The following CALN1 variants were observed in gnomAD, a reference collection of about 807,000 sequenced individuals.
CALN1 encodes the protein calneuron 1.
A neutral mutation model predicts 30.6 loss-of-function variants in CALN1; 17 were observed. The observed-to-expected ratio is 0.56, with a 90% CI of 0.38 to 0.83. CALN1 has a LOEUF of 0.83. Among genes scored for constraint, CALN1 ranks in the 40% least tolerant of loss-of-function variants. The pLI is 0.00. For synonymous variants in CALN1, 156 were observed against 131.4 expected, an observed-to-expected ratio of 1.19 and a Z score of -1.28; for missense variants, 291 against 354.9, an observed-to-expected ratio of 0.82 and a Z score of 1.45.
intron 2 of CALN1, among the ~76,000 whole-genome samples, chr7:72,321,472 T>C (rs1364930853): frequency 1.3e-5 from 2 of 152,172 alleles, no homozygotes; most frequent in Admixed American, 6.6e-5. Context: ...GTGTTCTCTA[T>C]GGGTTTCAAC....
chr7:72,161,638 G>A (rs970712832), intron 3 of CALN1, among the ~76,000 whole-genome samples: 4 of 152,126 alleles, frequency 2.6e-5, no homozygotes, highest in Admixed American at 6.5e-5. Context: ...GCTGGGCAAA[G>A]AAGACTCAAC....
At chr7:71,943,738 G>A (rs1420883205) in intron 5 of CALN1, among the ~76,000 whole-genome samples, 1 of 152,118 alleles carries the variant, frequency 6.6e-6, no homozygotes, top group Non-Finnish European at 1.5e-5. Context: ...CACCAGGCCA[G>A]GCCAAAACAA....
intron 2 of CALN1, among the ~76,000 whole-genome samples, chr7:72,345,832 C>T (rs1025430332): frequency 6.6e-6 from 1 of 152,022 alleles, no homozygotes; most frequent in Non-Finnish European, 1.5e-5. Context: ...AAACGCCTGC[C>T]GCATGAAAAG....
chr7:72,169,200 T>C (rs927786595), intron 3 of CALN1, among the ~76,000 whole-genome samples: 1 of 152,068 alleles, frequency 6.6e-6, no homozygotes, highest in Non-Finnish European at 1.5e-5. Flanking sequence ...GAACTCTCAC[T>C]GCACCACATA....
intron 3 of CALN1, among the ~76,000 whole-genome samples, chr7:72,148,703 G>A (rs927206176): frequency 1.4e-4 from 21 of 151,920 alleles, no homozygotes; most frequent in African/African-American, 2.2e-4. Flanking sequence ...TCAGGTGTTC[G>A]AGACTAGCCA....
At chr7:72,151,835 C>T (rs1787272207) in intron 3 of CALN1, among the ~76,000 whole-genome samples, 1 of 152,018 alleles carries the variant, frequency 6.6e-6, no homozygotes, top group Non-Finnish European at 1.5e-5. Flanking sequence ...TCTCAGCCTC[C>T]CGAGTAGCTG....
At chr7:71,909,037 G>A (rs1794290296) in intron 5 of CALN1, among the ~76,000 whole-genome samples, 1 of 152,188 alleles carries the variant, frequency 6.6e-6, no homozygotes, top group South Asian at 2.1e-4. Flanking sequence ...CTGACGGGCA[G>A]ACAAGGTCTT....
Position 72,288,202 on chromosome 7 carries a change from T to C in CALN1, c.120-9392A>G, listed in dbSNP as rs185941008. Among the ~76,000 whole-genome samples the C allele has an allele frequency of 3.3e-5, 5 of 152,250 alleles. No individual in the cohort carries two copies. The East Asian group carries it at 5.8e-4, about 18-fold the overall frequency. On this transcript the variant is annotated intron_variant, in intron 2 of 6. Coordinates refer to ENST00000395275, the MANE Select transcript of CALN1 (RefSeq NM_031468.4). ...CCATTTCCAAGATGGTGCACTCACA[T>C]AGCTTTGTTCACGTGAGTTGGGAGC...
intron 2 of CALN1, among the ~76,000 whole-genome samples, chr7:72,338,298 G>A (rs930834380): frequency 6.6e-6 from 1 of 152,242 alleles, no homozygotes; most frequent in South Asian, 2.1e-4. Context: ...CAGCTCAGAT[G>A]TCTTCAATTC....
At chr7:72,431,858 A>C (rs1562966381) in intron 1 of CALN1, among the ~76,000 whole-genome samples, 1 of 151,844 alleles carries the variant, frequency 6.6e-6, no homozygotes, top group African/African-American at 2.4e-5. Flanking sequence ...AAAAAAAAAA[A>C]AAAACTAAGT....
chr7:72,193,610 C>T (rs944445508), intron 3 of CALN1, among the ~76,000 whole-genome samples: 1 of 152,160 alleles, frequency 6.6e-6, no homozygotes, highest in African/African-American at 2.4e-5. Flanking sequence ...TATGTTATTG[C>T]TCCTAGGTTA....
intron 2 of CALN1, among the ~76,000 whole-genome samples, chr7:72,378,514 C>T (rs1344751129): frequency 6.6e-6 from 1 of 152,142 alleles, no homozygotes; most frequent in Non-Finnish European, 1.5e-5. Context: ...CCCAATCTGC[C>T]ACTTTCACTG....
At chr7:71,925,762 G>GGATGTTGAGCTTTCTCGGTA (rs1795237495) in intron 5 of CALN1, among the ~76,000 whole-genome samples, 1 of 152,024 alleles carries the variant, frequency 6.6e-6, no homozygotes, top group Non-Finnish European at 1.5e-5. Context: ...AAAGTCAGCA[G>GGATGTTGAGCTTTCTCGGTA]GATGTTGAGC....
chr7:71,849,762 G>A (rs1790530567), intron 5 of CALN1, among the ~76,000 whole-genome samples: 2 of 151,920 alleles, frequency 1.3e-5, no homozygotes, highest in Non-Finnish European at 2.9e-5. Context: ...TCCCACTTCA[G>A]CCTCCTAAGT....
chr7:72,351,166 T>TA (rs2129559287), intron 2 of CALN1, among the ~76,000 whole-genome samples: 1 of 152,226 alleles, frequency 6.6e-6, no homozygotes, highest in African/African-American at 2.4e-5. Context: ...TTTTTAATTT[T>TA]AAAAAATAAA....
chr7:72,004,620 T>A (rs2129528772), intron 5 of CALN1, among the ~76,000 whole-genome samples: 1 of 152,142 alleles, frequency 6.6e-6, no homozygotes, highest in East Asian at 1.9e-4. Flanking sequence ...GCAGAAGACA[T>A]TTGCAAACAA....
At chr7:71,903,734 A>G (rs1289507695) in intron 5 of CALN1, among the ~76,000 whole-genome samples, 1 of 152,198 alleles carries the variant, frequency 6.6e-6, no homozygotes, top group African/African-American at 2.4e-5. Flanking sequence ...AGTTTTATAC[A>G]GGAAAGGAAA....
At chr7:71,859,214 C>A (rs926743563) in intron 5 of CALN1, among the ~76,000 whole-genome samples, 1 of 151,988 alleles carries the variant, frequency 6.6e-6, no homozygotes, top group Non-Finnish European at 1.5e-5. Context: ...AGGCATGTAC[C>A]ACCACATCTG....
rs1282149748 is a variant in CALN1 at position 72,074,526 on chromosome 7, GCCT to G, written c.388+31622_388+31624del. 6.6e-5 allele frequency among the ~76,000 whole-genome samples: 10 copies of G among 152,260 alleles called. No homozygotes were observed. In the South Asian group the frequency reaches 2.1e-3, roughly 32 times the overall value. On this transcript the variant is annotated intron_variant, in intron 4 of 6. Coordinates refer to ENST00000395275, the MANE Select transcript of CALN1 (RefSeq NM_031468.4). The stretch of plus-strand genomic sequence containing the variant: ...ACGTTCAAGCGATTCTCCTGCCTCA[GCCT>G]CCTGAGTAGCTGGGATTACAGGCAC...
Sources: allele counts gnomAD v4.1 joint callset (sites outside exome capture counted in the v4.1 genomes callset), GRCh38; gene constraint gnomAD v4.1.1; transcripts MANE v1.5; gene names NCBI Gene and HGNC (gene_info 2026-07-23, HGNC 2026-07-21).